Variants in ZNF83 observed in about 807,000 individuals in gnomAD.
ZNF83 encodes zinc finger protein 816B.
For missense variants in ZNF83, 552 were observed against 629.9 expected (o/e 0.88, Z 1.32); for synonymous variants, 209 against 213.0 (o/e 0.98, Z 0.17).
At chr19:52,614,697 G>T in exon 3 of ZNF83, 1 of 1,350,850 alleles carries the variant, frequency 7.4e-7, no homozygotes, top group South Asian at 2.2e-5. Flanking sequence ...CTTGTATGTC[G>T]TGGCTTTCAT....
chr19:52,677,306 T>TAA (rs67835464), intron 1 of ZNF83, among the ~76,000 whole-genome samples: 5 of 106,462 alleles, frequency 4.7e-5, no homozygotes, highest in East Asian at 5.1e-4. Flanking sequence ...AATTGAGAAG[T>TAA]AAAAAAAAAA....
upstream of ZNF83, among the ~76,000 whole-genome samples, chr19:52,643,297 T>C (rs184885797): frequency 2.4e-3 from 348 of 148,038 alleles, 10 homozygotes; most frequent in Admixed American, 0.022. Context: ...GAGGTTGCAG[T>C]GAGTCAAGAA....
At chr19:52,683,276 G>C (rs1280847942) in intron 1 of ZNF83, among the ~76,000 whole-genome samples, 1 of 90,330 alleles carries the variant, frequency 1.1e-5, no homozygotes, top group East Asian at 2.5e-4. Context: ...GTGTGTGTGT[G>C]TGTGTATGCT....
chr19:52,652,972 C>T (rs1432916568), intron 3 of ZNF83: 3 of 1,317,728 alleles, frequency 2.3e-6, no homozygotes, highest in Non-Finnish European at 3.3e-6. Flanking sequence ...ACACTCATTA[C>T]ACCTGTAAGG....
intron 2 of ZNF83, among the ~76,000 whole-genome samples, chr19:52,619,551 G>T (rs756047831): frequency 6.6e-6 from 1 of 151,992 alleles, no homozygotes; most frequent in African/African-American, 2.4e-5. Flanking sequence ...GCTTGAAGCC[G>T]GGAGGTAGAG....
intron 1 of ZNF83, among the ~76,000 whole-genome samples, chr19:52,683,956 G>A (rs73934830): frequency 0.03 from 4,509 of 152,220 alleles, 185 homozygotes; most frequent in African/African-American, 0.091. Flanking sequence ...GTTTCTGGGC[G>A]GGCACAGTGA....
At chr19:52,616,441 A>G (rs1022580151) in intron 2 of ZNF83, among the ~76,000 whole-genome samples, 1 of 152,234 alleles carries the variant, frequency 6.6e-6, no homozygotes, top group Non-Finnish European at 1.5e-5. Flanking sequence ...TTCTTGCAGC[A>G]ATATTTACAA....
At chr19:52,633,214 C>G (rs562863924) in intron 2 of ZNF83, among the ~76,000 whole-genome samples, 1 of 152,078 alleles carries the variant, frequency 6.6e-6, no homozygotes, top group South Asian at 2.1e-4. Flanking sequence ...GCCCCCACCC[C>G]TGCCCACCAG....
At chr19:52,661,776 C>T (rs760467493) in intron 1 of ZNF83, among the ~76,000 whole-genome samples, 35 of 152,136 alleles carry the variant, frequency 2.3e-4, no homozygotes, top group African/African-American at 8.0e-4. Flanking sequence ...GTAACATGGA[C>T]CAGAGGTGGG....
At chr19:52,660,917 T>A (rs1344916410) in intron 1 of ZNF83, 1 of 153,068 alleles carries the variant, frequency 6.5e-6, no homozygotes, top group Non-Finnish European at 1.5e-5. Flanking sequence ...CATGATGGGG[T>A]TCAGTGACAT....
intron 2 of ZNF83, among the ~76,000 whole-genome samples, chr19:52,630,017 T>C (rs1217945609): frequency 9.9e-5 from 15 of 151,804 alleles, no homozygotes; most frequent in East Asian, 7.8e-4. Flanking sequence ...CAGGCATTCC[T>C]CCAGAACCTC....
chr19:52,629,534 G>C (rs143741593), intron 2 of ZNF83, among the ~76,000 whole-genome samples: 2,815 of 152,068 alleles, frequency 0.019, 83 homozygotes, highest in African/African-American at 0.063. Flanking sequence ...CACCTCACCT[G>C]CTCACACCCG....
intron 2 of ZNF83, among the ~76,000 whole-genome samples, chr19:52,656,435 G>A (rs760768617): frequency 9.9e-5 from 15 of 152,232 alleles, no homozygotes; most frequent in Non-Finnish European, 1.2e-4. Flanking sequence ...CGAGGCAGGG[G>A]AATTGCTTCA....
At chr19:52,681,133 A>C (rs1227349830) in intron 1 of ZNF83, among the ~76,000 whole-genome samples, 1 of 151,752 alleles carries the variant, frequency 6.6e-6, no homozygotes, top group East Asian at 2.0e-4. Flanking sequence ...AAAAATATAA[A>C]AAGTAGCCAG....
chr19:52,689,231 A>G (rs918818858), intron 1 of ZNF83, among the ~76,000 whole-genome samples: 1 of 152,158 alleles, frequency 6.6e-6, no homozygotes, highest in African/African-American at 2.4e-5. Context: ...TTTGGATATG[A>G]ATCCACTGAG....
chr19:52,642,054 T>A (rs1372081986), upstream of ZNF83, among the ~76,000 whole-genome samples: 1 of 152,122 alleles, frequency 6.6e-6, no homozygotes, highest in Non-Finnish European at 1.5e-5. Context: ...CACTTATGCC[T>A]TAATCTGGCT....
chr19:52,681,258 G>GGGT (rs1378051050), intron 1 of ZNF83, among the ~76,000 whole-genome samples: 1 of 131,402 alleles, frequency 7.6e-6, no homozygotes. Flanking sequence ...ACTCCAGCCT[G>GGGT]GGTGACAGAG....
At chr19:52,647,086 C>G (rs1959542784) in intron 3 of ZNF83, among the ~76,000 whole-genome samples, 1 of 152,266 alleles carries the variant, frequency 6.6e-6, no homozygotes, top group East Asian at 1.9e-4. Context: ...CCAGTCCTCT[C>G]ATTTCCCACA....
At position 52,637,497 on chromosome 19, in the gene ZNF83, T is replaced by G. The variant is rs1432059688; in HGVS notation, c.-322+815A>C. Among the ~76,000 whole-genome samples the G allele has an allele frequency of 3.9e-5, 6 of 152,308 alleles. No individual in the cohort carries two copies. In the South Asian group the frequency reaches 6.2e-4, roughly 16 times the overall value. On this transcript the variant is annotated intron_variant, in intron 1 of 2. Coordinates refer to ENST00000301096, the Ensembl canonical transcript of ZNF83. The stretch of plus-strand genomic sequence containing the variant: ...TCTGTACATCTAGGTTTCTCTACGT[T>G]TCTCCAGTTACTTTTCTCCTCCTGC...
Sources: gnomAD v4.1 joint callset for allele counts (sites outside exome capture counted in the v4.1 genomes callset) on GRCh38, gnomAD v4.1.1 for gene constraint, MANE v1.5 for transcripts, NCBI Gene and HGNC (gene_info 2026-07-23, HGNC 2026-07-21) for gene names.